Variants in TRAK1 observed in about 807,000 individuals in gnomAD.
The protein encoded by TRAK1 is trafficking kinesin-binding protein 1.
A neutral mutation model predicts 92.1 loss-of-function variants in TRAK1; 33 were observed. The ratio of observed to expected loss-of-function variants is 0.36; its 90% CI spans 0.27 to 0.48. The LOEUF is 0.48. TRAK1 is among the 20% of genes least tolerant of loss of function. The pLI is 0.99. For synonymous variants in TRAK1, 521 were observed against 517.3 expected (o/e 1.01, Z -0.10); for missense variants, 1,123 against 1,257.9 (o/e 0.89, Z 1.62).
chr3:42,098,261 G>T (rs1301107067), intron 1 of TRAK1, among the ~76,000 whole-genome samples: 3 of 152,114 alleles, frequency 2.0e-5, no homozygotes, highest in Non-Finnish European at 4.4e-5. Context: ...GTGGATCTAG[G>T]TTGGTGACGC....
chr3:42,157,312 A>T, intron 2 of TRAK1, among the ~76,000 whole-genome samples: 1 of 151,680 alleles, frequency 6.6e-6, no homozygotes, highest in Admixed American at 6.6e-5. Flanking sequence ...TAAAAAAATT[A>T]GCGAGGCATG....
chr3:42,094,668 G>C (rs1298154795), intron 1 of TRAK1, among the ~76,000 whole-genome samples: 1 of 152,124 alleles, frequency 6.6e-6, no homozygotes, highest in Non-Finnish European at 1.5e-5. Flanking sequence ...CCCAGTGCCC[G>C]GCAAAGGTGT....
chr3:42,167,695 A>T (rs553589069), intron 2 of TRAK1, among the ~76,000 whole-genome samples: 2 of 152,178 alleles, frequency 1.3e-5, no homozygotes, highest in Admixed American at 1.3e-4. Flanking sequence ...CCTGGCTAAC[A>T]TGATGAAACC....
intron 1 of TRAK1, among the ~76,000 whole-genome samples, chr3:42,030,692 ATATATATATATATATATATATATATATAT>A (rs1479308695): frequency 0.066 from 630 of 9,588 alleles, 54 homozygotes; most frequent in East Asian, 0.54. Flanking sequence ...AAAAAAGAAT[ATATATATATATATATATATATATATATAT>A]ATATATATAT....
intron 1 of TRAK1, among the ~76,000 whole-genome samples, chr3:42,035,175 A>C (rs1057381467): frequency 1.3e-5 from 2 of 152,192 alleles, no homozygotes; most frequent in Non-Finnish European, 2.9e-5. Flanking sequence ...ATCATGGTCT[A>C]TAATACCCTC....
intron 2 of TRAK1, among the ~76,000 whole-genome samples, chr3:42,171,813 A>G (rs915297984): frequency 6.6e-6 from 1 of 152,088 alleles, no homozygotes; most frequent in Non-Finnish European, 1.5e-5. Context: ...TGCACACCGT[A>G]TGTTTGGGGT....
intron 1 of TRAK1, among the ~76,000 whole-genome samples, chr3:42,100,975 C>T (rs150179973): frequency 4.5e-4 from 68 of 152,366 alleles, no homozygotes; most frequent in African/African-American, 1.5e-3. Flanking sequence ...GCCAACTTTA[C>T]AGGACTTTAA....
intron 2 of TRAK1, among the ~76,000 whole-genome samples, chr3:42,155,410 C>T (rs1168713882): frequency 6.6e-6 from 1 of 152,182 alleles, no homozygotes; most frequent in East Asian, 1.9e-4. Flanking sequence ...TGCTGTTCTT[C>T]AGTTGCTTCT....
chr3:42,149,116 G>A (rs1044707030), intron 2 of TRAK1: 11 of 893,868 alleles, frequency 1.2e-5, no homozygotes, highest in Non-Finnish European at 1.5e-5. Context: ...CTATGGCAAC[G>A]GTTAGATTGA....
chr3:42,025,251 G>C (rs959472590), intron 1 of TRAK1, among the ~76,000 whole-genome samples: 4 of 152,266 alleles, frequency 2.6e-5, no homozygotes, highest in Non-Finnish European at 1.5e-5. Context: ...ACTCCTGGAG[G>C]GGCCTGTACC....
At chr3:42,048,881 A>G (rs560695724) in intron 1 of TRAK1, among the ~76,000 whole-genome samples, 10 of 152,052 alleles carry the variant, frequency 6.6e-5, no homozygotes, top group African/African-American at 2.2e-4. Context: ...TGTCATTCTA[A>G]ATAATATCCT....
intron 1 of TRAK1, among the ~76,000 whole-genome samples, chr3:42,102,248 G>A (rs913099294): frequency 6.6e-6 from 1 of 152,250 alleles, no homozygotes; most frequent in East Asian, 1.9e-4. Context: ...GGCCTCCCAG[G>A]GTGCTGGGAT....
chr3:42,076,750 T>C (rs1345828175), intron 1 of TRAK1, among the ~76,000 whole-genome samples: 1 of 152,198 alleles, frequency 6.6e-6, no homozygotes, highest in African/African-American at 2.4e-5. Flanking sequence ...CTTCTTAAAT[T>C]TTTATAGTTT....
intron 1 of TRAK1, among the ~76,000 whole-genome samples, chr3:42,122,343 C>CT (rs1220191558): frequency 0.022 from 3,132 of 142,858 alleles, 45 homozygotes; most frequent in Non-Finnish European, 0.029. Flanking sequence ...TTAGAAGGGA[C>CT]TTTTTTTTTT....
chr3:42,198,320 C>G (rs1396346085), intron 10 of TRAK1, among the ~76,000 whole-genome samples: 1 of 152,216 alleles, frequency 6.6e-6, no homozygotes, highest in Non-Finnish European at 1.5e-5. Flanking sequence ...CCATCAGTGA[C>G]TAGCCTTCCC....
At chr3:42,199,697 A>G (rs532856129) in intron 11 of TRAK1, among the ~76,000 whole-genome samples, 6 of 152,304 alleles carry the variant, frequency 3.9e-5, no homozygotes, top group Non-Finnish European at 5.9e-5. Flanking sequence ...GCTTCAAGTG[A>G]TCGTCCTGCC....
At chr3:42,096,585 G>T (rs1214332514) in intron 1 of TRAK1, among the ~76,000 whole-genome samples, 1 of 152,202 alleles carries the variant, frequency 6.6e-6, no homozygotes, top group Non-Finnish European at 1.5e-5. Flanking sequence ...TCAGTATAAT[G>T]CCTTACCGTA....
chr3:42,018,372 C>A (rs1701607609), intron 1 of TRAK1, among the ~76,000 whole-genome samples: 1 of 151,798 alleles, frequency 6.6e-6, no homozygotes, highest in Non-Finnish European at 1.5e-5. Flanking sequence ...GCACATGTAC[C>A]CCAGTTTGGG....
At chr3:42,106,509 T>C (rs1467258660) in intron 1 of TRAK1, among the ~76,000 whole-genome samples, 1 of 152,226 alleles carries the variant, frequency 6.6e-6, no homozygotes, top group Non-Finnish European at 1.5e-5. Flanking sequence ...AGACCTCTTC[T>C]TTATTTAAGA....
Sources: gnomAD v4.1 joint callset for allele counts (sites outside exome capture counted in the v4.1 genomes callset) on GRCh38, gnomAD v4.1.1 for gene constraint, MANE v1.5 for transcripts, NCBI Gene and HGNC (gene_info 2026-07-23, HGNC 2026-07-21) for gene names.